SH3RF3: variants seen among roughly 807,000 people sequenced by gnomAD.
The protein encoded by SH3RF3 is E3 ubiquitin-protein ligase SH3RF3.
A neutral mutation model predicts 66.3 loss-of-function variants in SH3RF3; 29 were observed. The ratio of observed to expected loss-of-function variants is 0.44; its 90% CI spans 0.33 to 0.60. The LOEUF (loss-of-function observed/expected upper bound fraction) is 0.60, where lower values mean the gene tolerates loss of function less well. Ranked by LOEUF, SH3RF3 falls within the 20% of genes least tolerant of loss-of-function variation. SH3RF3 has a pLI of 0.04. For synonymous variants in SH3RF3, 583 were observed against 532.0 expected (o/e 1.10, Z -1.32); for missense variants, 1,194 against 1,190.9 (o/e 1.00, Z -0.04).
intron 1 of SH3RF3, among the ~76,000 whole-genome samples, chr2:109,198,905 C>T (rs1029574957): frequency 3.3e-5 from 5 of 152,134 alleles, no homozygotes; most frequent in African/African-American, 4.8e-5. Flanking sequence ...CAAATGTTTG[C>T]GTAGCTAAAT....
At chr2:109,170,244 T>TCTC (rs1677733392) in intron 1 of SH3RF3, among the ~76,000 whole-genome samples, 5 of 32,966 alleles carry the variant, frequency 1.5e-4, no homozygotes, top group African/African-American at 5.4e-4. Context: ...CTTCTTTTCT[T>TCTC]TTCTCTTCTC....
Position 109,325,964 on chromosome 2 carries a change from G to C in SH3RF3, c.574-21710G>C, listed in dbSNP as rs138605714. Among the ~76,000 whole-genome samples the C allele has an allele frequency of 2.6e-5, 4 of 152,310 alleles. No individual in the cohort carries two copies. The East Asian group carries it at 7.7e-4, about 29-fold the overall frequency. On this transcript the variant is annotated intron_variant, in intron 1 of 9. Coordinates refer to ENST00000309415, the MANE Select transcript of SH3RF3 (RefSeq NM_001099289.3). Reference sequence around the variant, plus strand: ...TTTAATGATATTTTCACTGTGAACCGTAACGTATATGTCATGTTTAAAGAA... The same window carrying C: ...TTTAATGATATTTTCACTGTGAACCCTAACGTATATGTCATGTTTAAAGAA...
At chr2:109,261,253 A>G (rs891209536) in intron 1 of SH3RF3, among the ~76,000 whole-genome samples, 3 of 152,168 alleles carry the variant, frequency 2.0e-5, no homozygotes, top group Admixed American at 6.5e-5. Flanking sequence ...CTTCCTGTCA[A>G]GCAGAACAAA....
rs1574584233 is a variant in SH3RF3, at chr2:109,341,729, A to G, written c.574-5945A>G. 2.6e-5 allele frequency among the ~76,000 whole-genome samples: 4 copies of G among 152,294 alleles called. No individual in the cohort carries two copies. The East Asian group carries it at 7.7e-4, about 29-fold the overall frequency. On this transcript the variant is annotated intron_variant, in intron 1 of 9. Coordinates refer to ENST00000309415, the MANE Select transcript of SH3RF3 (RefSeq NM_001099289.3). ...ACTGGCCCACCCTACTGTGTCTACC[A>G]TGCAGCCCGTGGGAAGGCAGATTTC...
At chr2:109,286,381 C>A (rs1681030726) in intron 1 of SH3RF3, among the ~76,000 whole-genome samples, 1 of 152,168 alleles carries the variant, frequency 6.6e-6, no homozygotes, top group Non-Finnish European at 1.5e-5. Context: ...GGTTGCAATT[C>A]AAAGGCAAGC....
chr2:109,144,121 T>C (rs1378059180), intron 1 of SH3RF3, among the ~76,000 whole-genome samples: 3 of 152,254 alleles, frequency 2.0e-5, no homozygotes, highest in Non-Finnish European at 4.4e-5. Flanking sequence ...GGAGTTCTAC[T>C]GTGCAGCATG....
chr2:109,136,135 C>G (rs1029983607), intron 1 of SH3RF3, among the ~76,000 whole-genome samples: 1 of 152,102 alleles, frequency 6.6e-6, no homozygotes, highest in Non-Finnish European at 1.5e-5. Flanking sequence ...ATTCGGGGCT[C>G]AGTTTTGCAA....
At chr2:109,197,338 A>G (rs1380524647) in intron 1 of SH3RF3, among the ~76,000 whole-genome samples, 1 of 152,094 alleles carries the variant, frequency 6.6e-6, no homozygotes, top group Non-Finnish European at 1.5e-5. Flanking sequence ...AGGGGTTAAG[A>G]AGGGAAGGGA....
intron 1 of SH3RF3, among the ~76,000 whole-genome samples, chr2:109,298,933 C>T (rs1324879946): frequency 6.6e-6 from 1 of 152,208 alleles, no homozygotes; most frequent in Non-Finnish European, 1.5e-5. Flanking sequence ...CCCAGTGCCT[C>T]CCATCACTGT....
At chr2:109,178,630 G>A (rs1677987939) in intron 1 of SH3RF3, among the ~76,000 whole-genome samples, 1 of 152,140 alleles carries the variant, frequency 6.6e-6, no homozygotes, top group South Asian at 2.1e-4. Context: ...GCAAGGCAGG[G>A]CAGTTGGCTT....
At chr2:109,410,190 G>T (rs1242898393) in intron 4 of SH3RF3, among the ~76,000 whole-genome samples, 1 of 152,252 alleles carries the variant, frequency 6.6e-6, no homozygotes, top group African/African-American at 2.4e-5. Flanking sequence ...CAGCACTGCA[G>T]CCATTGCTGA....
intron 5 of SH3RF3, among the ~76,000 whole-genome samples, chr2:109,431,201 G>C (rs1245926438): frequency 6.6e-6 from 1 of 152,180 alleles, no homozygotes; most frequent in East Asian, 1.9e-4. Flanking sequence ...CATATCCCCA[G>C]AGATGCACTG....
chr2:109,185,343 A>G (rs1258718942), intron 1 of SH3RF3, among the ~76,000 whole-genome samples: 1 of 152,224 alleles, frequency 6.6e-6, no homozygotes, highest in African/African-American at 2.4e-5. Flanking sequence ...ACAATAAAAG[A>G]TTGGATTGTT....
In SH3RF3 at chr2:109,467,588, A is replaced by G. The variant is rs530495998; in HGVS notation, c.2148+18099A>G. Among the ~76,000 whole-genome samples the G allele has an allele frequency of 1.3e-5, 2 of 152,312 alleles. 1 individual carries two copies. Among genetic ancestry groups the G allele is most frequent in the Admixed American group, 1.3e-4 (2 of 15,304 alleles). ...GCTGCAGGGGGATCTGCTAAGTCAA[A>G]ACTTGTCAAATAGATATTTTTAAAA... On this transcript the variant is annotated intron_variant, in intron 8 of 9. Coordinates refer to ENST00000309415, the MANE Select transcript of SH3RF3 (RefSeq NM_001099289.3).
chr2:109,473,786 C>T (rs1678593638), intron 8 of SH3RF3, among the ~76,000 whole-genome samples: 1 of 132,932 alleles, frequency 7.5e-6, no homozygotes, highest in South Asian at 2.6e-4. Context: ...GCCTGAGAGG[C>T]CTCTGAGCCC....
intron 1 of SH3RF3, among the ~76,000 whole-genome samples, chr2:109,152,428 C>T (rs1028793813): frequency 2.6e-5 from 4 of 152,180 alleles, no homozygotes; most frequent in African/African-American, 9.7e-5. Flanking sequence ...GCTCCGATCT[C>T]AAGTTGAGAA....
At chr2:109,365,824 G>A (rs574629684) in intron 2 of SH3RF3, among the ~76,000 whole-genome samples, 3 of 152,230 alleles carry the variant, frequency 2.0e-5, no homozygotes, top group South Asian at 2.1e-4. Flanking sequence ...TCCTGCCATC[G>A]CAGGTATCCA....
chr2:109,218,049 G>T (rs1477966021), intron 1 of SH3RF3, among the ~76,000 whole-genome samples: 1 of 152,164 alleles, frequency 6.6e-6, no homozygotes, highest in Non-Finnish European at 1.5e-5. Context: ...GCAAGTGGCA[G>T]ACAGCTGCGG....
At chr2:109,229,784 G>C (rs184006462) in intron 1 of SH3RF3, among the ~76,000 whole-genome samples, 2 of 150,840 alleles carry the variant, frequency 1.3e-5, no homozygotes, top group Non-Finnish European at 3.0e-5. Flanking sequence ...GCTCATCCAT[G>C]TTTTGGTATG....
Sources: gnomAD v4.1 joint callset for allele counts (sites outside exome capture counted in the v4.1 genomes callset) on GRCh38, gnomAD v4.1.1 for gene constraint, MANE v1.5 for transcripts, NCBI Gene and HGNC (gene_info 2026-07-23, HGNC 2026-07-21) for gene names.